SHROOM3: variants seen among roughly 807,000 people sequenced by gnomAD.
SHROOM3 encodes the protein shroom family member 3, also known as protein Shroom3.
SHROOM3 carries 47 observed loss-of-function variants against 138.6 expected under a neutral mutation model. The ratio of observed to expected loss-of-function variants is 0.34; its 90% confidence interval spans 0.27 to 0.43. The LOEUF (loss-of-function observed/expected upper bound fraction) is 0.43. Among genes scored for constraint, SHROOM3 ranks in the 20% least tolerant of loss-of-function variants. SHROOM3 has a pLI of 1.00. For synonymous variants in SHROOM3, 1,062 were observed against 1,063.3 expected, an observed-to-expected ratio of 1.00 and a Z score of 0.02; for missense variants, 2,491 against 2,596.5, an observed-to-expected ratio of 0.96 and a Z score of 0.88.
intron 1 of SHROOM3, among the ~76,000 whole-genome samples, chr4:76,516,347 T>C (rs773860240): frequency 3.9e-5 from 6 of 152,180 alleles, no homozygotes; most frequent in Non-Finnish European, 8.8e-5. Context: ...AAAGTAATAT[T>C]CCTGAAGTCC....
intron 2 of SHROOM3, among the ~76,000 whole-genome samples, chr4:76,577,042 C>G (rs1042521316): frequency 2.6e-5 from 4 of 152,104 alleles, no homozygotes; most frequent in African/African-American, 9.7e-5. Flanking sequence ...AATACTGGAA[C>G]AAATGCTCCT....
At chr4:76,640,487 G>C (rs556711039) in intron 2 of SHROOM3, among the ~76,000 whole-genome samples, 1 of 152,258 alleles carries the variant, frequency 6.6e-6, no homozygotes, top group African/African-American at 2.4e-5. Flanking sequence ...GAGAAGACTA[G>C]TCATACTAAT....
Position 76,770,867 on chromosome 4 carries a change from G to A in SHROOM3, c.5591G>A (p.Gly1864Asp), listed in dbSNP as rs145235341. 951 of 1,614,246 alleles carry A rather than the reference G, an allele frequency of 5.9e-4. 3 individuals are homozygous for A. In the Middle Eastern group the frequency reaches 0.019, roughly 32 times the overall value. Residue 1864 changes from glycine to aspartate, a missense_variant, in exon 10 of 11, where the codon GGC becomes GAC. Gly to Asp is a moderately conservative substitution (Grantham distance 94, BLOSUM62 -1). Around this residue, in one of 4 missense-constraint regions of SHROOM3, gnomAD observed 470 missense variants for 595.0 expected, o/e 0.79. Transcript: ENST00000296043. ...GCCCGTGTTGAGAATGTCCTTAGCG[G>A]CCTTGGTGAAGATGCCAGTAATGAA... is the stretch of plus-strand genomic sequence containing the variant. ...RLARVENVLS[G>D]LGEDASNEER...
At chr4:76,662,307 T>C (rs1718528261) in intron 2 of SHROOM3, among the ~76,000 whole-genome samples, 1 of 152,162 alleles carries the variant, frequency 6.6e-6, no homozygotes, top group Non-Finnish European at 1.5e-5. Context: ...CCTTAATGGC[T>C]CTCACCCAGA....
At chr4:76,743,567 G>C (rs1411267817) in intron 5 of SHROOM3, among the ~76,000 whole-genome samples, 1 of 152,176 alleles carries the variant, frequency 6.6e-6, no homozygotes, top group African/African-American at 2.4e-5. Context: ...AATCCTCTCT[G>C]AAACATGCAA....
chr4:76,494,610 G>A (rs1449169536), intron 1 of SHROOM3, among the ~76,000 whole-genome samples: 7 of 152,314 alleles, frequency 4.6e-5, no homozygotes, highest in Middle Eastern at 3.4e-3. Context: ...ACTGACACAT[G>A]TGTGGCACAA....
intron 2 of SHROOM3, among the ~76,000 whole-genome samples, chr4:76,620,634 C>T (rs757192767): frequency 1.6e-4 from 24 of 152,118 alleles, no homozygotes; most frequent in Admixed American, 9.8e-4. Flanking sequence ...GAGGTGGAGC[C>T]GTTTGGACAA....
intron 2 of SHROOM3, among the ~76,000 whole-genome samples, chr4:76,625,055 A>G (rs1005772551): frequency 6.6e-6 from 1 of 152,194 alleles, no homozygotes; most frequent in African/African-American, 2.4e-5. Context: ...GAGAGCGCAG[A>G]TATTTTAATG....
At chr4:76,551,581 G>A (rs1440475362) in intron 1 of SHROOM3, among the ~76,000 whole-genome samples, 2 of 152,092 alleles carry the variant, frequency 1.3e-5, no homozygotes, top group African/African-American at 4.8e-5. Flanking sequence ...TTTCTGAGTA[G>A]GTCCTGTGTG....
intron 2 of SHROOM3, among the ~76,000 whole-genome samples, chr4:76,569,641 TTC>T (rs1733794885): frequency 6.6e-6 from 1 of 152,162 alleles, no homozygotes; most frequent in African/African-American, 2.4e-5. Flanking sequence ...TGATTCTCCC[TTC>T]TCTCTCTCAC....
rs944467524 is a variant in SHROOM3, at chr4:76,503,416, T to A, written c.169-52193T>A. 2.0e-5 allele frequency among the ~76,000 whole-genome samples: 3 copies of A among 152,168 alleles called. No individual in the cohort carries two copies. The South Asian group carries it at 6.2e-4, about 32-fold the overall frequency. On this transcript the variant is annotated intron_variant, in intron 1 of 10. Transcript: ENST00000296043. Reference sequence around the variant, plus strand: ...GTATTCTTTTTAAAATGTTGTCTTTTGTTTGTTGCTATTATATATATATAT... The same window carrying A: ...GTATTCTTTTTAAAATGTTGTCTTTAGTTTGTTGCTATTATATATATATAT...
In SHROOM3 at chr4:76,612,313, T is replaced by A. The variant is rs144672124; in HGVS notation, c.323+56550T>A. Reference sequence around the variant, plus strand: ...GATATTAGTTATAGAACTAGTTTGTTTAGCCAAAAAAGATATAAGTGGAAG... The same window carrying A: ...GATATTAGTTATAGAACTAGTTTGTATAGCCAAAAAAGATATAAGTGGAAG... On this transcript the variant is annotated intron_variant, in intron 2 of 10. Coordinates refer to ENST00000296043, the MANE Select transcript of SHROOM3 (RefSeq NM_020859.4). Among the ~76,000 whole-genome samples, 12 of 152,260 alleles carry A rather than the reference T, an allele frequency of 7.9e-5. No homozygotes were observed. In the East Asian group the frequency reaches 2.3e-3, roughly 29 times the overall value.
At chr4:76,725,589 T>C (rs1720677963) in intron 3 of SHROOM3, among the ~76,000 whole-genome samples, 1 of 152,246 alleles carries the variant, frequency 6.6e-6, no homozygotes, top group Non-Finnish European at 1.5e-5. Context: ...CTAGTCCTCA[T>C]GTACCACATC....
chr4:76,453,220 T>C (rs2109970930), intron 1 of SHROOM3, among the ~76,000 whole-genome samples: 1 of 152,306 alleles, frequency 6.6e-6, no homozygotes. Flanking sequence ...AGGGTTCTAA[T>C]TTATACACAT....
At chr4:76,565,204 C>T (rs979379890) in intron 2 of SHROOM3, among the ~76,000 whole-genome samples, 3 of 148,732 alleles carry the variant, frequency 2.0e-5, no homozygotes, top group Non-Finnish European at 4.5e-5. Context: ...AAATATCTGT[C>T]TGAGCCTTTA....
intron 1 of SHROOM3, among the ~76,000 whole-genome samples, chr4:76,438,644 C>T (rs1560506173): frequency 6.6e-6 from 1 of 152,046 alleles, no homozygotes; most frequent in Non-Finnish European, 1.5e-5. Context: ...CCGTGGTCTC[C>T]CTTCTACACT....
intron 1 of SHROOM3, among the ~76,000 whole-genome samples, chr4:76,482,109 C>A (rs1027197510): frequency 6.6e-6 from 1 of 152,156 alleles, no homozygotes; most frequent in Non-Finnish European, 1.5e-5. Context: ...CAAGGATACC[C>A]ACTCTCACCA....
chr4:76,484,381 G>A (rs1054759745), intron 1 of SHROOM3, among the ~76,000 whole-genome samples: 2 of 151,920 alleles, frequency 1.3e-5, no homozygotes, highest in African/African-American at 2.4e-5. Flanking sequence ...AGATCAGCCT[G>A]GGCAACATAG....
intron 2 of SHROOM3, among the ~76,000 whole-genome samples, chr4:76,623,823 T>C (rs1273951833): frequency 6.6e-6 from 1 of 152,180 alleles, no homozygotes; most frequent in Non-Finnish European, 1.5e-5. Flanking sequence ...TGAACACGCC[T>C]GGGATTTGAA....
Sources: allele counts gnomAD v4.1 joint callset (sites outside exome capture counted in the v4.1 genomes callset), GRCh38; gene constraint gnomAD v4.1.1; regional missense constraint gnomAD v4.1.1; transcripts MANE v1.5; gene names NCBI Gene and HGNC (gene_info 2026-07-23, HGNC 2026-07-21).